The following ZNF568 variants were observed in gnomAD, a reference collection of about 807,000 sequenced individuals.
ZNF568 encodes the protein p53 inhibitor of SCO2 activation.
ZNF568 carries 11 observed loss-of-function variants against 18.1 expected under a neutral mutation model. That is an observed-to-expected ratio of 0.61 (90% confidence interval 0.38 to 1.00). ZNF568 has a LOEUF of 1.00. Among genes scored for constraint, ZNF568 ranks in the 50% least tolerant of loss-of-function variants. The pLI, the probability that ZNF568 is intolerant of heterozygous loss-of-function variation, is 0.01. For missense variants in ZNF568, 639 were observed against 768.2 expected (o/e 0.83, Z 1.99); for synonymous variants, 213 against 246.6 (o/e 0.86, Z 1.28).
At chr19:36,927,887 T>TATATATTATATA (rs1491142078) in intron 4 of ZNF568, among the ~76,000 whole-genome samples, 1 of 39,046 alleles carries the variant, frequency 2.6e-5, no homozygotes, top group East Asian at 2.5e-3. Context: ...TATATATATA[T>TATATATTATATA]TATATATATA....
chr19:36,950,772 G>T lies in ZNF568; in HGVS notation c.1619G>T (p.Ser540Ile). ...TGTAATCAATGTGGGAAAGCTTTCA[G>T]TCAGAGACAAAATCTTCTTGAGCAT... ...YHCNQCGKAFSQRQNLLEHEK... is the reference protein window; with the variant it reads ...YHCNQCGKAFIQRQNLLEHEK... Residue 540 changes from serine (S) to isoleucine (I), a missense_variant, in exon 7 of 7, where the codon AGT (serine) becomes ATT (isoleucine). Physicochemically the swap from Ser to Ile is moderately radical, Grantham distance 142 (BLOSUM62 -2). Transcript: ENST00000333987. 1 of 1,613,570 alleles carries T rather than the reference G, an allele frequency of 6.2e-7. No individual in the cohort carries two copies. The highest frequency in any genetic ancestry group is 8.5e-7 in the Non-Finnish European group (1 of 1,179,978).
chr19:36,927,893 ATATATATATATTTTTTTTTTTTTTTTTTT>A (rs2073602336), intron 4 of ZNF568, among the ~76,000 whole-genome samples: 2 of 25,330 alleles, frequency 7.9e-5, no homozygotes, highest in African/African-American at 2.3e-4. Flanking sequence ...TATATTATAT[ATATATATATATTTTTTTTTTTTTTTTTTT>A]TTTTTTTTTG....
intron 4 of ZNF568, among the ~76,000 whole-genome samples, chr19:36,927,039 G>A (rs1345193945): frequency 6.6e-6 from 1 of 152,122 alleles, no homozygotes; most frequent in Non-Finnish European, 1.5e-5. Context: ...TTCGAAATTA[G>A]AATATTTTAA....
intron 4 of ZNF568, among the ~76,000 whole-genome samples, chr19:36,934,479 C>T (rs2073755258): frequency 6.6e-6 from 1 of 151,804 alleles, no homozygotes; most frequent in African/African-American, 2.4e-5. Flanking sequence ...CACCACCACG[C>T]CCTACTAAGT....
At chr19:36,983,419 C>A (rs1285293113), downstream of ZNF568, among the ~76,000 whole-genome samples, 1 of 152,192 alleles carries the variant, frequency 6.6e-6, no homozygotes, top group Non-Finnish European at 1.5e-5. Flanking sequence ...CATCCTCCCC[C>A]CGCCCATAAG....
chr19:36,942,360 G>C (rs1042911798), intron 6 of ZNF568, among the ~76,000 whole-genome samples: 1 of 151,718 alleles, frequency 6.6e-6, no homozygotes, highest in Non-Finnish European at 1.5e-5. Context: ...AGCACTTTGG[G>C]AGGCCAAGGT....
chr19:36,953,818 G>C (rs1230263683), downstream of ZNF568, among the ~76,000 whole-genome samples: 1 of 152,204 alleles, frequency 6.6e-6, no homozygotes, highest in East Asian at 1.9e-4. Context: ...GGCTGAGGCA[G>C]GAGAATTGCT....
At chr19:36,980,320 A>G (rs1049347540), downstream of ZNF568, 2 of 152,118 alleles carry the variant, frequency 1.3e-5, no homozygotes, top group African/African-American at 4.8e-5. Flanking sequence ...AAATGATATT[A>G]TTTTGCCTTT....
rs138528981 is a variant in ZNF568, at chr19:36,964,134, CAGGA to C, written c.359-10265_359-10262del. On this transcript the variant is annotated intron_variant, in intron 6 of 7. Coordinates refer to the ZNF568 transcript ENST00000427117. ...AGTGGGCAGTAACTTTGTAAGATCT[CAGGA>C]AGGAAGGAAGGAAGGAAGGATTCAA... 4.7e-3 allele frequency among the ~76,000 whole-genome samples: 707 copies of C among 150,546 alleles called. 5 individuals are homozygous for C. The highest frequency in any genetic ancestry group is 0.028 in the Middle Eastern group (8 of 290).
At chr19:36,991,019 CCT>C in intron 2 of ZNF568, 2 of 716,114 alleles carry the variant, frequency 2.8e-6, no homozygotes, top group Non-Finnish European at 2.2e-6. Context: ...TCTGATCACC[CCT>C]GTTTCCACAC....
At chr19:36,973,019 G>T (rs1324510497) in intron 6 of ZNF568, among the ~76,000 whole-genome samples, 2 of 152,234 alleles carry the variant, frequency 1.3e-5, no homozygotes. Context: ...GTTCCTGGGA[G>T]GGTGCTCGGG....
intron 4 of ZNF568, among the ~76,000 whole-genome samples, chr19:36,934,092 T>C (rs1262574841): frequency 1.3e-5 from 2 of 151,478 alleles, no homozygotes; most frequent in East Asian, 3.9e-4. Flanking sequence ...TCCTGTTTAT[T>C]TCTGTAAGAT....
At chr19:36,992,951 A>G (rs966640475) in intron 4 of ZNF568, among the ~76,000 whole-genome samples, 4 of 152,202 alleles carry the variant, frequency 2.6e-5, no homozygotes, top group African/African-American at 9.6e-5. Context: ...GTTCATCCAT[A>G]GTGTAACATA....
intron 7 of ZNF568, among the ~76,000 whole-genome samples, chr19:36,976,645 T>A (rs1203171613): frequency 6.6e-6 from 1 of 152,104 alleles, no homozygotes; most frequent in Non-Finnish European, 1.5e-5. Flanking sequence ...GTGCGGTGGC[T>A]CATGCCTGTA....
intron 6 of ZNF568, among the ~76,000 whole-genome samples, chr19:36,944,693 GT>G (rs1600808839): frequency 6.6e-6 from 1 of 152,064 alleles, no homozygotes; most frequent in Admixed American, 6.5e-5. Context: ...CATCTTCCCA[GT>G]TGTGGAAACC....
chr19:36,932,588 G>A (rs1012292268), intron 4 of ZNF568, among the ~76,000 whole-genome samples: 6 of 151,518 alleles, frequency 4.0e-5, no homozygotes, highest in African/African-American at 7.3e-5. Flanking sequence ...GCGAAACTCC[G>A]TCCCCAGAAA....
chr19:36,969,577 C>T (rs2074220682), intron 6 of ZNF568, among the ~76,000 whole-genome samples: 1 of 152,064 alleles, frequency 6.6e-6, no homozygotes, highest in Admixed American at 6.6e-5. Flanking sequence ...TCTCTAGGTT[C>T]TAGGGGAGAA....
At chr19:36,965,213 T>C (rs966108669) in intron 6 of ZNF568, among the ~76,000 whole-genome samples, 4 of 152,126 alleles carry the variant, frequency 2.6e-5, no homozygotes, top group Non-Finnish European at 5.9e-5. Context: ...TCATGAGAGC[T>C]CCACACTCAT....
chr19:36,923,042 T>TC (rs2073484769), intron 3 of ZNF568, among the ~76,000 whole-genome samples, 196 bp downstream of exon 3: 1 of 98,666 alleles, frequency 1.0e-5, no homozygotes, highest in African/African-American at 4.9e-5. Context: ...TTTTTATTTC[T>TC]TAAGAGTATG....
Sources: allele counts gnomAD v4.1 joint callset (sites outside exome capture counted in the v4.1 genomes callset), GRCh38; gene constraint gnomAD v4.1.1; transcripts MANE v1.5; gene names NCBI Gene and HGNC (gene_info 2026-07-23, HGNC 2026-07-21).